The following SEMA5B variants were observed in gnomAD, a reference collection of about 807,000 sequenced individuals.
The protein encoded by SEMA5B is semaphorin 5B.
SEMA5B carries 66 observed loss-of-function variants against 135.0 expected under a neutral mutation model. The observed-to-expected ratio is 0.49, with a 90% confidence interval of 0.40 to 0.60. The LOEUF is 0.60. Ranked by LOEUF, SEMA5B falls within the 20% of genes least tolerant of loss-of-function variation. The probability of loss-of-function intolerance (pLI) is 0.00; values close to 1 mark genes in which losing one functional copy is unlikely to be tolerated. For missense variants in SEMA5B, 1,501 were observed against 1,566.3 expected, an observed-to-expected ratio of 0.96 and a Z score of 0.70; for synonymous variants, 690 against 639.5, an observed-to-expected ratio of 1.08 and a Z score of -1.19.
chr3:122,974,116 G>A lies in SEMA5B; in HGVS notation c.-38-12815C>T, dbSNP rs537529209. Among the ~76,000 whole-genome samples the A allele has an allele frequency of 3.3e-5, 5 of 152,294 alleles. No homozygotes were observed. In the South Asian group the frequency reaches 6.2e-4, roughly 19 times the overall value. ...GGCACACCACCCCCCATCTGCTCCCGCCATGTGACACATGCTTGCAGGCGG... is the reference window on the plus strand; with the variant it reads ...GGCACACCACCCCCCATCTGCTCCCACCATGTGACACATGCTTGCAGGCGG... On this transcript the variant is annotated intron_variant, in intron 1 of 22. Coordinates refer to ENST00000357599, the MANE Select transcript of SEMA5B (RefSeq NM_001031702.4).
chr3:123,008,268 A>T (rs981047806), intron 1 of SEMA5B, among the ~76,000 whole-genome samples: 5 of 152,238 alleles, frequency 3.3e-5, no homozygotes, highest in African/African-American at 1.2e-4. Flanking sequence ...TCTGGCCTCT[A>T]ATCAATAATA....
chr3:122,912,157 G>A lies in SEMA5B; in HGVS notation c.2896+15C>T. The stretch of plus-strand genomic sequence containing the variant: ...TCCATGTCGCTTCCCAGCCCTGGCG[G>A]GATGTGCCTCATACCTGGGCAGGCC... On this transcript the variant is annotated intron_variant, in intron 19 of 22. Transcript: ENST00000357599. The A allele has an allele frequency of 6.3e-7, 1 of 1,581,160 alleles. No individual in the cohort carries two copies. The highest frequency in any genetic ancestry group is 8.6e-7 in the Non-Finnish European group (1 of 1,158,104).
At chr3:122,925,356 G>C (rs928968826) in intron 9 of SEMA5B, among the ~76,000 whole-genome samples, 1 of 147,582 alleles carries the variant, frequency 6.8e-6, no homozygotes, top group Non-Finnish European at 1.5e-5. Context: ...AAACACTAAC[G>C]ATAGCTGATG....
chr3:122,986,104 C>T (rs916020807), intron 1 of SEMA5B, among the ~76,000 whole-genome samples: 1 of 152,200 alleles, frequency 6.6e-6, no homozygotes, highest in Non-Finnish European at 1.5e-5. Context: ...AAAATAAGTG[C>T]TTTTCTGTTT....
intron 5 of SEMA5B, among the ~76,000 whole-genome samples, chr3:122,931,539 A>C (rs1938970857): frequency 6.6e-6 from 1 of 152,248 alleles, no homozygotes; most frequent in Non-Finnish European, 1.5e-5. Flanking sequence ...GCTCTTATTC[A>C]GACATATGTT....
chr3:122,971,720 C>G (rs113282948), intron 1 of SEMA5B, among the ~76,000 whole-genome samples: 7 of 152,234 alleles, frequency 4.6e-5, no homozygotes, highest in African/African-American at 1.4e-4. Context: ...GCCCAAGGAG[C>G]CTTCCCCAAG....
chr3:122,950,330 G>T (rs1403896090), intron 2 of SEMA5B, among the ~76,000 whole-genome samples: 1 of 152,198 alleles, frequency 6.6e-6, no homozygotes, highest in Admixed American at 6.5e-5. Flanking sequence ...GTAGGGGTTG[G>T]GGTGTGCAAG....
chr3:122,961,105 G>C lies in SEMA5B; in HGVS notation c.124+35C>G, dbSNP rs748250840. 10 of 1,570,974 alleles carry C rather than the reference G, an allele frequency of 6.4e-6. No individual in the cohort carries two copies. The East Asian group carries it at 2.0e-4, about 32-fold the overall frequency. On this transcript the variant is annotated intron_variant, in intron 2 of 22. Coordinates refer to ENST00000357599, the MANE Select transcript of SEMA5B (RefSeq NM_001031702.4). ...CTGCTCTCCCCTCAGTCTGGTACCTGCTGCAGCCCCCCACACTCCCCTGGG... is the reference window on the plus strand; with the variant it reads ...CTGCTCTCCCCTCAGTCTGGTACCTCCTGCAGCCCCCCACACTCCCCTGGG...
At chr3:122,979,192 A>C (rs1576386183) in intron 1 of SEMA5B, among the ~76,000 whole-genome samples, 1 of 152,212 alleles carries the variant, frequency 6.6e-6, no homozygotes, top group South Asian at 2.1e-4. Flanking sequence ...GACCAGAGAC[A>C]CCTTCGCTCT....
intron 14 of SEMA5B, among the ~76,000 whole-genome samples, chr3:122,914,217 T>C (rs1309954475): frequency 6.6e-6 from 1 of 152,240 alleles, no homozygotes; most frequent in African/African-American, 2.4e-5. Flanking sequence ...CCTTCTTCTA[T>C]ATATCATGCT....
At chr3:123,020,037 G>C (rs986555093) in intron 1 of SEMA5B, among the ~76,000 whole-genome samples, 2 of 152,166 alleles carry the variant, frequency 1.3e-5, no homozygotes, top group Admixed American at 1.3e-4. Flanking sequence ...AGTCAAAAAC[G>C]GTCTAAATGG....
chr3:122,915,712 G>A, intron 13 of SEMA5B, 61 bp downstream of exon 13: 12 of 1,603,042 alleles, frequency 7.5e-6, no homozygotes, highest in South Asian at 1.1e-5. Context: ...AATATTGGTG[G>A]GGAGTCATAG....
Position 122,922,427 on chromosome 3 carries a change from G to C in SEMA5B, c.1293C>G (p.Thr431=). 6.2e-7 allele frequency: 1 copy of C among 1,606,226 alleles called. No homozygotes were observed. Among genetic ancestry groups the C allele is most frequent in the Non-Finnish European group, 8.5e-7 (1 of 1,177,158 alleles). ...PNFQCGTLPE[T]GPNENLTERS... is the part of the protein sequence containing the mutation. ...GCTCCGTCAGGTTCTCGTTGGGACC[G>C]GTCTCAGGCAGGGTGCCACACTGCC... The change falls in exon 11 of 23, where the codon ACC becomes ACG. Residue 431 remains threonine, a synonymous_variant. Coordinates refer to ENST00000357599, the MANE Select transcript of SEMA5B (RefSeq NM_001031702.4).
chr3:122,927,777 G>A lies in SEMA5B; in HGVS notation c.850+13C>T, dbSNP rs991848691. 1.4e-6 allele frequency: 2 copies of A among 1,404,930 alleles called. No individual in the cohort carries two copies. The highest frequency in any genetic ancestry group is 1.9e-6 in the Non-Finnish European group (2 of 1,069,842). The allele number at this position is 1,404,930 out of a possible 1,614,324, so 87.0% of individuals were successfully genotyped here. On this transcript the variant is annotated intron_variant, in intron 8 of 22. Transcript: ENST00000357599. ...CAGGGGAGTCCCCACCCCTGGCACT[G>A]GGGCCTCCTTACCATTAAGCCACTT...
chr3:122,919,364 T>C (rs1938239772), intron 12 of SEMA5B, among the ~76,000 whole-genome samples: 1 of 152,116 alleles, frequency 6.6e-6, no homozygotes, highest in Non-Finnish European at 1.5e-5. Context: ...AGTCAGCAGT[T>C]TATTCCCCAG....
At chr3:122,928,470 C>A in intron 7 of SEMA5B, 47 bp downstream of exon 7, 1 of 1,461,648 alleles carries the variant, frequency 6.8e-7, no homozygotes, top group Non-Finnish European at 9.3e-7. Flanking sequence ...GCAGGAGAAC[C>A]CCCGGCATGG....
chr3:122,911,318 T>G (rs1560274461), intron 21 of SEMA5B, 173 bp downstream of exon 21: 1 of 1,501,962 alleles, frequency 6.7e-7, no homozygotes, highest in Non-Finnish European at 8.9e-7. Context: ...GCCTCCTAGC[T>G]GGGGGGGGCA....
At chr3:122,999,926 C>T (rs973819522) in intron 1 of SEMA5B, among the ~76,000 whole-genome samples, 1 of 152,178 alleles carries the variant, frequency 6.6e-6, no homozygotes, top group African/African-American at 2.4e-5. Flanking sequence ...ATAAAAGGAA[C>T]AGGTTGGGCA....
chr3:122,964,492 T>A (rs987757783), intron 1 of SEMA5B, among the ~76,000 whole-genome samples: 4 of 152,144 alleles, frequency 2.6e-5, no homozygotes, highest in African/African-American at 2.4e-5. Flanking sequence ...TATGTGAAAA[T>A]TTTCCCATGT....
Sources: gnomAD v4.1 joint callset for allele counts (sites outside exome capture counted in the v4.1 genomes callset) on GRCh38, gnomAD v4.1.1 for gene constraint, MANE v1.5 for transcripts, NCBI Gene and HGNC (gene_info 2026-07-23, HGNC 2026-07-21) for gene names.